PRPF19: variants seen among roughly 807,000 people sequenced by gnomAD.
PRPF19 encodes the protein pre-mRNA processing factor 19, also known as pre-mRNA-processing factor 19.
In PRPF19, 2 loss-of-function variants were observed where a neutral mutation model predicts 64.2. That is an observed-to-expected ratio of 0.03 (90% CI 0.01 to 0.10). PRPF19 has a LOEUF of 0.10. Among genes scored for constraint, PRPF19 ranks in the 10% least tolerant of loss-of-function variants. The probability of loss-of-function intolerance (pLI) is 1.00; values close to 1 mark genes in which losing one functional copy is unlikely to be tolerated. For synonymous variants in PRPF19, 226 were observed against 251.6 expected, an observed-to-expected ratio of 0.90 and a Z score of 0.96; for missense variants, 314 against 650.0, an observed-to-expected ratio of 0.48 and a Z score of 5.62.
In PRPF19 at chr11:60,902,482, T is replaced by C. The variant is rs200606452; in HGVS notation, c.463-17A>G. On this transcript the variant is annotated splice_polypyrimidine_tract_variant and intron_variant, in intron 5 of 15. Coordinates refer to ENST00000227524, the MANE Select transcript of PRPF19 (RefSeq NM_014502.5). The surrounding 1 kb of genome is among the most constrained non-coding windows in gnomAD (Gnocchi z 5.0). ...ACCCGCACCCTGAAGAGAAGAAAGG[T>C]GAGGGTGAGAGGCACAGAGCACCAA... 5.0e-5 allele frequency: 81 copies of C among 1,613,292 alleles called. No individual in the cohort carries two copies. The African/African-American group carries it at 9.8e-4, about 19-fold the overall frequency.
chr11:60,900,714 A>T, intron 9 of PRPF19, 23 bp from the exon 10 acceptor site: 1 of 1,560,516 alleles, frequency 6.4e-7, no homozygotes, highest in East Asian at 2.4e-5. Flanking sequence ...CAAAAAGACC[A>T]AACAATGAGT....
Position 60,898,727 on chromosome 11 carries a change from C to G in PRPF19, c.1055-101G>C. 1 of 1,585,900 alleles carries G rather than the reference C, an allele frequency of 6.3e-7. No individual in the cohort carries two copies. Among genetic ancestry groups the G allele is most frequent in the South Asian group, 1.1e-5 (1 of 88,398 alleles). ...TTGTTCTTCACATTCCTCAGTGAAC[C>G]CAGCACAAAGCCCGCACTAGACAGG... On this transcript the variant is annotated intron_variant, in intron 12 of 15. Transcript: ENST00000227524. This position sits in a 1 kb window ranked among gnomAD's most constrained non-coding sequence, Gnocchi z 4.6.
chr11:60,897,169 A>T (rs2134859597), intron 15 of PRPF19, among the ~76,000 whole-genome samples: 1 of 152,346 alleles, frequency 6.6e-6, no homozygotes, highest in East Asian at 1.9e-4. Flanking sequence ...CATTTTAAAA[A>T]AATCTCTTAT....
intron 15 of PRPF19, among the ~76,000 whole-genome samples, chr11:60,895,235 T>C (rs752362264): frequency 6.6e-6 from 1 of 152,228 alleles, no homozygotes; most frequent in Non-Finnish European, 1.5e-5. Context: ...GAAAATCTGT[T>C]GTTGAGTGTA....
chr11:60,898,093 G>C lies in PRPF19; in HGVS notation c.1311+8C>G. On this transcript the variant is annotated splice_region_variant and intron_variant, in intron 14 of 15. Coordinates refer to ENST00000227524, the MANE Select transcript of PRPF19 (RefSeq NM_014502.5). This position sits in a 1 kb window ranked among gnomAD's most constrained non-coding sequence, Gnocchi z 4.6. ...AATGGAAAGCTGGGCGGAGGGGGAA[G>C]GGCACACCTCAAAGTTGTTATCCAG... is the stretch of plus-strand genomic sequence containing the variant. 1 of 1,612,968 alleles carries C rather than the reference G, an allele frequency of 6.2e-7. No individual in the cohort carries two copies. The highest frequency in any genetic ancestry group is 8.5e-7 in the Non-Finnish European group (1 of 1,179,216).
intron 10 of PRPF19, among the ~76,000 whole-genome samples, chr11:60,899,875 C>G (rs1458706905): frequency 6.6e-6 from 1 of 152,112 alleles, no homozygotes; most frequent in African/African-American, 2.4e-5. Context: ...AAATAACTAC[C>G]ATCTTTTTTT....
At chr11:60,897,392 A>G (rs1346260891) in intron 15 of PRPF19, among the ~76,000 whole-genome samples, 1 of 152,268 alleles carries the variant, frequency 6.6e-6, no homozygotes, top group East Asian at 1.9e-4. Context: ...CAATGGTCGC[A>G]CATGACGATA....
chr11:60,906,482 C>A lies in PRPF19; in HGVS notation c.-100G>T. ...CGGTCCCCCGCTGCTGCCGGGACTGCTCCGCGGCGAGCTGGGAGCCGCCAG... is the reference window on the plus strand; with the variant it reads ...CGGTCCCCCGCTGCTGCCGGGACTGATCCGCGGCGAGCTGGGAGCCGCCAG... On this transcript the variant is annotated 5_prime_UTR_variant, in exon 1 of 16. Transcript: ENST00000227524. The A allele has an allele frequency of 7.5e-7, 1 of 1,326,874 alleles. No homozygotes were observed. The highest frequency in any genetic ancestry group is 1.3e-5 in the South Asian group (1 of 76,986). The allele number at this position is 1,326,874 out of a possible 1,614,324, so 82.2% of individuals were successfully genotyped here.
rs1855849503 is a variant in PRPF19 at position 60,890,912 on chromosome 11, G to A, written c.*254C>T. On this transcript the variant is annotated 3_prime_UTR_variant, in exon 16 of 16. Transcript: ENST00000227524. ...AACGACAGGAAGGGAGAGGCCCTGG[G>A]CTCCGACCCTGGGCCTTAAGAGGGT... 3 of 588,012 alleles carry A rather than the reference G, an allele frequency of 5.1e-6. No individual in the cohort carries two copies. The highest frequency in any genetic ancestry group is 3.1e-5 in the South Asian group (2 of 65,376). The allele number at this position is 588,012 out of a possible 1,614,324, so 36.4% of individuals were successfully genotyped here. A position where few individuals can be genotyped will look rare whatever the true frequency, so the allele number is the denominator to read the frequency against.
In PRPF19 at chr11:60,890,685, T is replaced by G. The variant is rs1855845468; in HGVS notation, c.*481A>C. ...TGCTCCCTCCCCTTGACCTTCCCAG[T>G]CCCAGGTGCTCCTGGTGCAGACAGA... On this transcript the variant is annotated 3_prime_UTR_variant, in exon 16 of 16. Transcript: ENST00000227524. The G allele has an allele frequency of 2.2e-6, 1 of 453,932 alleles. No individual in the cohort carries two copies. Among genetic ancestry groups the G allele is most frequent in the Non-Finnish European group, 4.4e-6 (1 of 225,654 alleles). 28.1% of individuals were successfully genotyped at this position (453,932 alleles called of 1,614,324 possible). A position where few individuals can be genotyped will look rare whatever the true frequency, so the allele number is the denominator to read the frequency against.
At position 60,899,200 on chromosome 11, in the gene PRPF19, G is replaced by T. The variant is rs757326568; in HGVS notation, c.933C>A (p.Gly311=). 1 of 1,614,054 alleles carries T rather than the reference G, an allele frequency of 6.2e-7. No individual in the cohort carries two copies. The highest frequency in any genetic ancestry group is 8.5e-7 in the Non-Finnish European group (1 of 1,179,996). Residue 311 remains glycine, a synonymous_variant, in exon 11 of 16, where the codon GGC becomes GGA. Transcript: ENST00000227524. ...AGTCGCCAGTGGCATGAAGGCTGAG[G>T]CCTGTCACAGCACTCTCATGGGCCC... ...VVRAHESAVT[G]LSLHATGDYL...
intron 1 of PRPF19, among the ~76,000 whole-genome samples, chr11:60,905,853 G>A (rs1003410360): frequency 1.4e-4 from 22 of 152,350 alleles, no homozygotes; most frequent in Non-Finnish European, 2.5e-4. Context: ...CCAGATACCT[G>A]GCTGCCAGCC....
Position 60,891,659 on chromosome 11 carries a change from T to C in PRPF19, c.1418-396A>G, listed in dbSNP as rs531139431. On this transcript the variant is annotated intron_variant, in intron 15 of 15. Transcript: ENST00000227524. Reference sequence around the variant, plus strand: ...TCCAACCCCAGGGCACTCAGGCCCCTAACACAGAGCAGGACCAGATAAGAG... The same window carrying C: ...TCCAACCCCAGGGCACTCAGGCCCCCAACACAGAGCAGGACCAGATAAGAG... Among the ~76,000 whole-genome samples, 9 of 152,278 alleles carry C rather than the reference T, an allele frequency of 5.9e-5. No individual in the cohort carries two copies. In the South Asian group the frequency reaches 1.9e-3, roughly 32 times the overall value.
At chr11:60,906,341 G>C in intron 1 of PRPF19, 23 bp downstream of exon 1, 1 of 1,596,956 alleles carries the variant, frequency 6.3e-7, no homozygotes, top group Non-Finnish European at 8.5e-7. Flanking sequence ...TGAGACCCGC[G>C]CTTGGCCGCA....
chr11:60,902,290 C>A lies in PRPF19; in HGVS notation c.525+113G>T. The A allele has an allele frequency of 1.7e-6, 2 of 1,198,172 alleles. No homozygotes were observed. The highest frequency in any genetic ancestry group is 2.4e-6 in the Non-Finnish European group (2 of 824,914). The allele number at this position is 1,198,172 out of a possible 1,614,324, so 74.2% of individuals were successfully genotyped here. On this transcript the variant is annotated intron_variant, in intron 6 of 15. Coordinates refer to ENST00000227524, the MANE Select transcript of PRPF19 (RefSeq NM_014502.5). The surrounding 1 kb of genome is among the most constrained non-coding windows in gnomAD (Gnocchi z 5.0). Reference sequence around the variant, plus strand: ...AGGCAATCTGGTCCCAGGGTCCATGCTCTGCACCACTCAACTCCCAAAAGC... The same window carrying A: ...AGGCAATCTGGTCCCAGGGTCCATGATCTGCACCACTCAACTCCCAAAAGC...
Position 60,898,779 on chromosome 11 carries a change from CAAAT to C in PRPF19, c.1054+79_1054+82del, listed in dbSNP as rs1855948452. The C allele has an allele frequency of 6.7e-7, 1 of 1,500,012 alleles. No individual in the cohort carries two copies. 92.9% of individuals were successfully genotyped at this position (1,500,012 alleles called of 1,614,324 possible). On this transcript the variant is annotated intron_variant, in intron 12 of 15. Transcript: ENST00000227524. The surrounding 1 kb of genome is among the most constrained non-coding windows in gnomAD (Gnocchi z 4.6). ...GCTCATGGTAAATATATCTTTAGAA[CAAAT>C]AAACAAATGACTAAATAAAATGTAA... is the stretch of plus-strand genomic sequence containing the variant.
intron 1 of PRPF19, among the ~76,000 whole-genome samples, chr11:60,904,745 C>T (rs1479024914): frequency 6.6e-6 from 1 of 152,230 alleles, no homozygotes; most frequent in Admixed American, 6.5e-5. Context: ...GGAACCCCCA[C>T]ATGTTCTGCT....
At chr11:60,906,252 G>C in intron 1 of PRPF19, 112 bp downstream of exon 1, 2 of 1,425,664 alleles carry the variant, frequency 1.4e-6, no homozygotes, top group Middle Eastern at 2.6e-4. Context: ...TCGGCCTCCG[G>C]AGCGCCCCAT....
At chr11:60,897,366 A>G (rs1447479311) in intron 15 of PRPF19, among the ~76,000 whole-genome samples, 1 of 152,256 alleles carries the variant, frequency 6.6e-6, no homozygotes, top group Non-Finnish European at 1.5e-5. Context: ...ATTTAGATAT[A>G]TGTAAGTTCA....
Sources: gnomAD v4.1 joint callset for allele counts (sites outside exome capture counted in the v4.1 genomes callset) on GRCh38, gnomAD v4.1.1 for gene constraint, Gnocchi (gnomAD v3.1) non-coding constraint, MANE v1.5 for transcripts, NCBI Gene and HGNC (gene_info 2026-07-23, HGNC 2026-07-21) for gene names.